Variants in MFNG observed in about 807,000 individuals in gnomAD.
The protein encoded by MFNG is beta-1,3-N-acetylglucosaminyltransferase manic fringe.
A neutral mutation model predicts 34.2 loss-of-function variants in MFNG; 24 were observed. The ratio of observed to expected loss-of-function variants is 0.70; its 90% confidence interval spans 0.51 to 0.99. MFNG has a LOEUF of 0.99. MFNG is among the 50% of genes least tolerant of loss of function. MFNG has a pLI of 0.00. For missense variants in MFNG, 383 were observed against 424.0 expected, an observed-to-expected ratio of 0.90 and a Z score of 0.85; for synonymous variants, 158 against 179.2, an observed-to-expected ratio of 0.88 and a Z score of 0.94.
chr22:37,483,147 C>T lies in MFNG; in HGVS notation c.256-2378G>A, dbSNP rs374704975. Among the ~76,000 whole-genome samples, 243 of 152,240 alleles carry T rather than the reference C, an allele frequency of 1.6e-3. 1 individual carries two copies. Among genetic ancestry groups the T allele is most frequent in the African/African-American group, 5.6e-3 (233 of 41,538 alleles). ...TTGGGACCCAAAACCTCAGACTCCC[C>T]GCTCCTCCTCTCTTCCTCTCACACC... On this transcript the variant is annotated intron_variant, in intron 1 of 7. Coordinates refer to ENST00000356998, the MANE Select transcript of MFNG (RefSeq NM_002405.4). This position sits in a 1 kb window ranked among gnomAD's most constrained non-coding sequence, Gnocchi z 4.5.
At position 37,482,224 on chromosome 22, in the gene MFNG, T is replaced by C. The variant is rs116165042; in HGVS notation, c.256-1455A>G. On this transcript the variant is annotated intron_variant, in intron 1 of 7. Transcript: ENST00000356998. This position sits in a 1 kb window ranked among gnomAD's most constrained non-coding sequence, Gnocchi z 4.1. Reference sequence around the variant, plus strand: ...AGACTCTGCCTCATTCCCTCAGATATGTTTCCCTGCCAGGACCAGAATCGA... The same window carrying C: ...AGACTCTGCCTCATTCCCTCAGATACGTTTCCCTGCCAGGACCAGAATCGA... Among the ~76,000 whole-genome samples, 525 of 152,292 alleles carry C rather than the reference T, an allele frequency of 3.4e-3. 3 individuals are homozygous for C. The highest frequency in any genetic ancestry group is 0.012 in the African/African-American group (491 of 41,562).
At chr22:37,479,875 G>C (rs1922212435) in intron 3 of MFNG, among the ~76,000 whole-genome samples, 1 of 152,104 alleles carries the variant, frequency 6.6e-6, no homozygotes, top group Non-Finnish European at 1.5e-5. Context: ...ATGATGGTGG[G>C]CATCTGTCAT....
intron 3 of MFNG, 59 bp from the exon 4 acceptor site, chr22:37,479,557 A>G: frequency 1.9e-6 from 3 of 1,597,090 alleles, no homozygotes; most frequent in Non-Finnish European, 2.6e-6. Context: ...CAGGGTCCCC[A>G]AGCACCCCCA....
chr22:37,476,230 C>A (rs988281284), intron 5 of MFNG, among the ~76,000 whole-genome samples: 12 of 151,986 alleles, frequency 7.9e-5, no homozygotes, highest in African/African-American at 2.9e-4. Flanking sequence ...CCAGGCCTCG[C>A]CACTTCTAGA....
chr22:37,474,691 C>T lies in MFNG; in HGVS notation c.648-14G>A. On this transcript the variant is annotated splice_polypyrimidine_tract_variant and intron_variant, in intron 5 of 7. Coordinates refer to ENST00000356998, the MANE Select transcript of MFNG (RefSeq NM_002405.4). ...AAACGGGAGCCACTGAGGGACAGAGCCAGACTGCAGACGCTGGCCCAGGCC... is the reference window on the plus strand; with the variant it reads ...AAACGGGAGCCACTGAGGGACAGAGTCAGACTGCAGACGCTGGCCCAGGCC... 6.3e-7 allele frequency: 1 copy of T among 1,581,000 alleles called. No homozygotes were observed. Among genetic ancestry groups the T allele is most frequent in the South Asian group, 1.2e-5 (1 of 86,090 alleles).
rs139403578 is a variant in MFNG at position 37,472,342 on chromosome 22, C to T, written c.899+101G>A. 9.2e-6 allele frequency: 8 copies of T among 870,436 alleles called. No individual in the cohort carries two copies. In the East Asian group the frequency reaches 2.3e-4, roughly 25 times the overall value. 53.9% of individuals were successfully genotyped at this position (870,436 alleles called of 1,614,324 possible). On this transcript the variant is annotated intron_variant, in intron 7 of 7. Transcript: ENST00000356998. ...ACTCCTAGCTCTGTGCTGTCAGCCA[C>T]CAAAGCCTGTCCCACTCCACTCCCT...
rs370324588 is a variant in MFNG, at chr22:37,485,958, G to A, written c.220C>T (p.Leu74=). 83 of 1,613,686 alleles carry A rather than the reference G, an allele frequency of 5.1e-5. No individual in the cohort carries two copies. Among genetic ancestry groups the A allele is most frequent in the Non-Finnish European group, 6.8e-5 (80 of 1,179,810 alleles). Residue 74 remains leucine (L), a synonymous_variant, in exon 1 of 8, where the codon CTG becomes TTG. Transcript: ENST00000356998. This position sits in a 1 kb window ranked among gnomAD's most constrained non-coding sequence, Gnocchi z 5.3. ...GTCCTGGAAACCCACGTGTCAAGCA[G>A]CAGCTCCAGGCGCAAGCGGTGGAAA... ...RAFHRLRLEL[L]LDTWVSRTRE...
At position 37,482,957 on chromosome 22, in the gene MFNG, C is replaced by T. The variant is rs902225527; in HGVS notation, c.256-2188G>A. ...TCAGTGACGCCATGCAGCCTCTCAG[C>T]TTTAAACACCATCAGGGAGCTGGAG... On this transcript the variant is annotated intron_variant, in intron 1 of 7. Transcript: ENST00000356998. The surrounding 1 kb of genome is among the most constrained non-coding windows in gnomAD (Gnocchi z 4.1). Among the ~76,000 whole-genome samples the T allele has an allele frequency of 6.6e-5, 10 of 152,232 alleles. No individual in the cohort carries two copies. Among genetic ancestry groups the T allele is most frequent in the African/African-American group, 2.4e-4 (10 of 41,460 alleles).
chr22:37,480,135 C>T, intron 3 of MFNG, 62 bp downstream of exon 3: 1 of 1,350,848 alleles, frequency 7.4e-7, no homozygotes, highest in Non-Finnish European at 1.0e-6. Context: ...CCCCAGGAGT[C>T]CCAGGGGTTA....
intron 4 of MFNG, 116 bp downstream of exon 4, chr22:37,479,229 G>A: frequency 1.6e-6 from 2 of 1,228,666 alleles, no homozygotes; most frequent in Non-Finnish European, 2.1e-6. Flanking sequence ...ACCCACATAG[G>A]GCCAAACCTG....
intron 7 of MFNG, among the ~76,000 whole-genome samples, chr22:37,472,066 A>G (rs1011262734): frequency 1.2e-4 from 19 of 152,060 alleles, no homozygotes; most frequent in African/African-American, 4.6e-4. Flanking sequence ...AAAAGAGATA[A>G]AATAAAAATC....
intron 2 of MFNG, 97 bp downstream of exon 2, chr22:37,480,624 C>T: frequency 8.4e-7 from 1 of 1,195,556 alleles, no homozygotes; most frequent in Non-Finnish European, 1.2e-6. Flanking sequence ...GGGTGGGCGG[C>T]CCATTTCCTG....
rs1166421713 is a variant in MFNG at position 37,483,090 on chromosome 22, T to C, written c.256-2321A>G. 1.3e-5 allele frequency among the ~76,000 whole-genome samples: 2 copies of C among 152,054 alleles called. No individual in the cohort carries two copies. The highest frequency in any genetic ancestry group is 2.9e-5 in the Non-Finnish European group (2 of 68,000). ...TAACACATCAAGACTGAGCCCCCGT[T>C]CTCCCCAAGACCTGCTCCTCCCTCT... On this transcript the variant is annotated intron_variant, in intron 1 of 7. Transcript: ENST00000356998. This position sits in a 1 kb window ranked among gnomAD's most constrained non-coding sequence, Gnocchi z 4.5.
intron 7 of MFNG, among the ~76,000 whole-genome samples, chr22:37,470,931 G>C (rs1456155800): frequency 1.3e-5 from 2 of 152,126 alleles, no homozygotes; most frequent in East Asian, 3.9e-4. Flanking sequence ...TCCCCTCTGC[G>C]GGAGTGATCT....
chr22:37,479,350 G>T lies in MFNG; in HGVS notation c.556C>A (p.Arg186Ser). Reference sequence around the variant, plus strand: ...GGAGGAGGAGAGGGACCCACCGTGCGGTTGTGGGGCTGTGGCTCTGAGGCA... The same window carrying T: ...GGAGGAGGAGAGGGACCCACCGTGCTGTTGTGGGGCTGTGGCTCTGAGGCA... ...IHASEPQPHNRTRLVQFWFAT... is the reference protein window; with the variant it reads ...IHASEPQPHNSTRLVQFWFAT... The change falls in exon 4 of 8, where the codon CGC becomes AGC. Residue 186 changes from arginine to serine, a missense_variant. By Grantham distance (110) the Arg-to-Ser change is moderately radical (BLOSUM62 -1). Transcript: ENST00000356998. The T allele has an allele frequency of 6.3e-7, 1 of 1,579,202 alleles. No homozygotes were observed. Among genetic ancestry groups the T allele is most frequent in the East Asian group, 2.4e-5 (1 of 42,452 alleles).
intron 4 of MFNG, among the ~76,000 whole-genome samples, chr22:37,478,773 G>A (rs1319638020): frequency 2.0e-5 from 3 of 152,098 alleles, no homozygotes; most frequent in Non-Finnish European, 4.4e-5. Context: ...CCGCCTCCTG[G>A]GTTCAAGCGA....
intron 3 of MFNG, 95 bp downstream of exon 3, chr22:37,480,102 G>A (rs998611512): frequency 3.2e-6 from 3 of 929,982 alleles, no homozygotes; most frequent in Middle Eastern, 2.3e-4. Flanking sequence ...CTGCCTGCTA[G>A]AGGAGTGGGG....
Position 37,485,326 on chromosome 22 carries a change from G to C in MFNG, c.255+597C>G, listed in dbSNP as rs1922494350. Among the ~76,000 whole-genome samples, 2 of 152,188 alleles carry C rather than the reference G, an allele frequency of 1.3e-5. No individual in the cohort carries two copies. The highest frequency in any genetic ancestry group is 2.9e-5 in the Non-Finnish European group (2 of 68,022). On this transcript the variant is annotated intron_variant, in intron 1 of 7. Coordinates refer to ENST00000356998, the MANE Select transcript of MFNG (RefSeq NM_002405.4). The surrounding 1 kb of genome is among the most constrained non-coding windows in gnomAD (Gnocchi z 5.3). ...AGTCCGCAGGAAGCCAACACAGGAG[G>C]CCAGACATGGCGGCCTCGGCACACC... is the stretch of plus-strand genomic sequence containing the variant.
At chr22:37,477,124 G>T in intron 4 of MFNG, 143 bp from the exon 5 acceptor site, 2 of 680,780 alleles carry the variant, frequency 2.9e-6, no homozygotes, top group Non-Finnish European at 2.6e-6. Flanking sequence ...CTACAACCTG[G>T]CATTATTGCA....
Sources: allele counts gnomAD v4.1 joint callset (sites outside exome capture counted in the v4.1 genomes callset), GRCh38; gene constraint gnomAD v4.1.1; non-coding constraint Gnocchi (gnomAD v3.1); transcripts MANE v1.5; gene names NCBI Gene and HGNC (gene_info 2026-07-23, HGNC 2026-07-21).